TMEM163: variants seen among roughly 807,000 people sequenced by gnomAD.
TMEM163 encodes transmembrane protein 163.
A neutral mutation model predicts 29.3 loss-of-function variants in TMEM163; 17 were observed. The ratio of observed to expected loss-of-function variants is 0.58; its 90% CI spans 0.40 to 0.87. The LOEUF is 0.87. Ranked by LOEUF, TMEM163 falls within the 40% of genes least tolerant of loss-of-function variation. The probability of loss-of-function intolerance (pLI) is 0.00; values close to 1 mark genes in which losing one functional copy is unlikely to be tolerated. For synonymous variants in TMEM163, 157 were observed against 160.6 expected, an observed-to-expected ratio of 0.98 and a Z score of 0.17; for missense variants, 303 against 381.5, an observed-to-expected ratio of 0.79 and a Z score of 1.71.
At chr2:134,462,262 A>G (rs1686560654) in intron 6 of TMEM163, among the ~76,000 whole-genome samples, 1 of 151,790 alleles carries the variant, frequency 6.6e-6, no homozygotes. Context: ...ACCCTATCCG[A>G]GCTGCCATCC....
At chr2:134,598,920 C>CG (rs1682157301) in intron 2 of TMEM163, among the ~76,000 whole-genome samples, 1 of 65,924 alleles carries the variant, frequency 1.5e-5, no homozygotes, top group Non-Finnish European at 4.1e-5. Flanking sequence ...GACTCTATCT[C>CG]AAAAAAAAAA....
intron 2 of TMEM163, 103 bp from the exon 3 acceptor site, chr2:134,552,194 A>G: frequency 1.1e-6 from 1 of 913,272 alleles, no homozygotes; most frequent in East Asian, 2.8e-5. Flanking sequence ...GGGAAGTTCC[A>G]AGAGAACAAA....
intron 2 of TMEM163, among the ~76,000 whole-genome samples, chr2:134,570,501 T>C (rs558061246): frequency 2.0e-4 from 29 of 143,962 alleles, no homozygotes; most frequent in African/African-American, 8.1e-4. Flanking sequence ...TACATATACA[T>C]ATACATATAC....
intron 2 of TMEM163, among the ~76,000 whole-genome samples, chr2:134,670,734 G>C (rs1462200368): frequency 6.6e-6 from 1 of 152,194 alleles, no homozygotes; most frequent in Non-Finnish European, 1.5e-5. Context: ...GAAAACCAAA[G>C]ACTTGGCCTT....
At chr2:134,588,096 T>C (rs1681861157) in intron 2 of TMEM163, among the ~76,000 whole-genome samples, 1 of 152,196 alleles carries the variant, frequency 6.6e-6, no homozygotes, top group Non-Finnish European at 1.5e-5. Context: ...GTCCTACAAT[T>C]GGCATTTTTG....
chr2:134,678,569 C>G (rs568719566), intron 2 of TMEM163, among the ~76,000 whole-genome samples: 1 of 152,320 alleles, frequency 6.6e-6, no homozygotes, highest in Admixed American at 6.5e-5. Context: ...TCCACATATC[C>G]GCTGAGAGGG....
chr2:134,557,179 A>G (rs1237136020), intron 2 of TMEM163, among the ~76,000 whole-genome samples: 1 of 152,248 alleles, frequency 6.6e-6, no homozygotes, highest in Non-Finnish European at 1.5e-5. Flanking sequence ...AAGCAGGAGG[A>G]GAGTTACGAG....
At chr2:134,679,828 A>G (rs920080368) in intron 2 of TMEM163, among the ~76,000 whole-genome samples, 1 of 152,174 alleles carries the variant, frequency 6.6e-6, no homozygotes, top group East Asian at 1.9e-4. Context: ...CAGCTGAATT[A>G]TGGGGAAGTG....
chr2:134,551,972 G>T, intron 3 of TMEM163, 76 bp downstream of exon 3: 3 of 1,202,520 alleles, frequency 2.5e-6, no homozygotes, highest in South Asian at 1.3e-5. Flanking sequence ...ACCCTCATTT[G>T]AGGGCTCAGG....
intron 5 of TMEM163, among the ~76,000 whole-genome samples, chr2:134,482,298 G>A (rs528595072): frequency 7.0e-4 from 107 of 152,184 alleles, no homozygotes; most frequent in Non-Finnish European, 1.3e-3. Flanking sequence ...CCTCATCAAG[G>A]GTGACACCAG....
chr2:134,559,980 G>C (rs970898022), intron 2 of TMEM163, among the ~76,000 whole-genome samples: 1 of 151,944 alleles, frequency 6.6e-6, no homozygotes, highest in African/African-American at 2.4e-5. Context: ...CCTCTTCTGC[G>C]GCCCACACCT....
intron 5 of TMEM163, among the ~76,000 whole-genome samples, chr2:134,477,546 A>G (rs1371097111): frequency 6.6e-6 from 1 of 152,214 alleles, no homozygotes; most frequent in African/African-American, 2.4e-5. Flanking sequence ...ACTTCAATCA[A>G]TGACATCAAT....
intron 2 of TMEM163, among the ~76,000 whole-genome samples, chr2:134,576,821 A>C: frequency 6.6e-6 from 1 of 152,356 alleles, no homozygotes; most frequent in South Asian, 2.1e-4. Flanking sequence ...GAAGGAAAAC[A>C]CTATCTCAGG....
At chr2:134,548,877 G>A (rs553634810) in intron 4 of TMEM163, among the ~76,000 whole-genome samples, 1 of 152,218 alleles carries the variant, frequency 6.6e-6, no homozygotes, top group East Asian at 1.9e-4. Context: ...GGTCAGGTGA[G>A]GAATTTTCTA....
chr2:134,584,227 C>T (rs918451364), intron 2 of TMEM163, among the ~76,000 whole-genome samples: 2 of 152,172 alleles, frequency 1.3e-5, no homozygotes, highest in African/African-American at 4.8e-5. Context: ...TCAACTGCTG[C>T]CAGCAGCAGA....
chr2:134,561,840 A>G (rs1163793123), intron 2 of TMEM163, among the ~76,000 whole-genome samples: 2 of 152,160 alleles, frequency 1.3e-5, no homozygotes. Context: ...TTCAACCAAC[A>G]AGTGCTTACT....
intron 5 of TMEM163, among the ~76,000 whole-genome samples, chr2:134,493,362 CTTTTTTTTTTTTTTTTT>C (rs1159013721): frequency 2.0e-5 from 1 of 49,830 alleles, no homozygotes; most frequent in African/African-American, 8.9e-5. Context: ...CTTTTGGTGT[CTTTTTTTTTTTTTTTTT>C]TTTTTTTTTT....
At chr2:134,690,127 C>T (rs140939019) in intron 2 of TMEM163, among the ~76,000 whole-genome samples, 112 of 152,166 alleles carry the variant, frequency 7.4e-4, no homozygotes, top group African/African-American at 2.6e-3. Context: ...GACAAGGTTT[C>T]GGCATGTTGG....
At chr2:134,710,339 CCCT>C (rs1259754127) in intron 2 of TMEM163, among the ~76,000 whole-genome samples, 5 of 152,160 alleles carry the variant, frequency 3.3e-5, no homozygotes, top group African/African-American at 1.2e-4. Flanking sequence ...CTTCTATCCA[CCCT>C]CCTCATTTCC....
Sources: gnomAD v4.1 joint callset for allele counts (sites outside exome capture counted in the v4.1 genomes callset) on GRCh38, gnomAD v4.1.1 for gene constraint, MANE v1.5 for transcripts, NCBI Gene and HGNC (gene_info 2026-07-23, HGNC 2026-07-21) for gene names.